Variants in ENPP6 observed in about 807,000 individuals in gnomAD.
ENPP6 encodes the protein ectonucleotide pyrophosphatase/phosphodiesterase 6.
Under a neutral mutation model 42.0 loss-of-function variants are expected in ENPP6, and 32 were observed. That is an observed-to-expected ratio of 0.76 (90% CI 0.58 to 1.02). ENPP6 has a LOEUF of 1.02. Among genes scored for constraint, ENPP6 ranks in the 50% least tolerant of loss-of-function variants. The pLI is 0.00. For missense variants in ENPP6, 552 were observed against 566.8 expected (o/e 0.97, Z 0.27); for synonymous variants, 213 against 216.0 (o/e 0.99, Z 0.12).
intron 2 of ENPP6, among the ~76,000 whole-genome samples, chr4:184,132,544 A>G (rs1411613571): frequency 6.6e-6 from 1 of 151,852 alleles, no homozygotes; most frequent in Non-Finnish European, 1.5e-5. Context: ...TGACTTCATC[A>G]GTCATTTTTC....
chr4:184,165,058 G>C (rs1458961259), intron 1 of ENPP6, among the ~76,000 whole-genome samples: 1 of 152,174 alleles, frequency 6.6e-6, no homozygotes, highest in Non-Finnish European at 1.5e-5. Flanking sequence ...GCATTCAGAG[G>C]AACACGTCAG....
chr4:184,201,790 A>G (rs1732908862), intron 1 of ENPP6, among the ~76,000 whole-genome samples: 2 of 151,580 alleles, frequency 1.3e-5, no homozygotes, highest in Non-Finnish European at 2.9e-5. Flanking sequence ...ACCCACTTCT[A>G]GCTTCAATTG....
At chr4:184,150,064 T>A (rs903128392) in intron 2 of ENPP6, among the ~76,000 whole-genome samples, 4 of 152,174 alleles carry the variant, frequency 2.6e-5, no homozygotes, top group Admixed American at 2.6e-4. Flanking sequence ...TGCAGTACAC[T>A]ACTGGGTCAT....
chr4:184,152,789 C>A (rs1334464719), intron 2 of ENPP6, among the ~76,000 whole-genome samples: 3 of 152,210 alleles, frequency 2.0e-5, no homozygotes, highest in Non-Finnish European at 4.4e-5. Flanking sequence ...TGACTACTTA[C>A]CTCGTTGAGC....
chr4:184,169,978 C>T (rs1028311833), intron 1 of ENPP6, among the ~76,000 whole-genome samples: 2 of 152,236 alleles, frequency 1.3e-5, no homozygotes, highest in Non-Finnish European at 2.9e-5. Flanking sequence ...ATAAATACTT[C>T]TGTGCCTGTC....
chr4:184,098,030 G>A (rs924692848), intron 6 of ENPP6, among the ~76,000 whole-genome samples: 2 of 152,252 alleles, frequency 1.3e-5, no homozygotes, highest in Non-Finnish European at 2.9e-5. Context: ...TGGAAGCTCT[G>A]CGTGCCTCAC....
intron 3 of ENPP6, among the ~76,000 whole-genome samples, chr4:184,120,419 TC>T (rs769886741): frequency 6.1e-4 from 93 of 152,302 alleles, no homozygotes; most frequent in Admixed American, 1.0e-3. Flanking sequence ...TGCCCACTGT[TC>T]CGGCAGCCAA....
intron 1 of ENPP6, among the ~76,000 whole-genome samples, chr4:184,205,984 G>C (rs1231059412): frequency 6.6e-6 from 1 of 152,166 alleles, no homozygotes; most frequent in East Asian, 1.9e-4. Context: ...GAATGACCAG[G>C]ACGCCCGGGA....
rs765590566 is a variant in ENPP6 at position 184,091,274 on chromosome 4, C to G, written c.1226G>C (p.Arg409Thr). The G allele has an allele frequency of 1.2e-6, 2 of 1,613,760 alleles. No individual in the cohort carries two copies. Among genetic ancestry groups the G allele is most frequent in the Non-Finnish European group, 1.7e-6 (2 of 1,179,868 alleles). ...TPLPNNGSWS[R>T]VMCMLKGRAS... is the part of the protein sequence containing the mutation. ...GCGGCCCTTCAGCATGCACATCACCCTGGACCAGGATCCGTTGTTGGGCAG... is the reference window on the plus strand; with the variant it reads ...GCGGCCCTTCAGCATGCACATCACCGTGGACCAGGATCCGTTGTTGGGCAG... Residue 409 changes from arginine (R) to threonine (T), a missense_variant, in exon 8 of 8, where the codon AGG becomes ACG. Arg to Thr is a moderately conservative substitution (Grantham distance 71). Coordinates refer to ENST00000296741, the MANE Select transcript of ENPP6 (RefSeq NM_153343.4).
chr4:184,173,747 GT>G (rs1737513977), intron 1 of ENPP6, among the ~76,000 whole-genome samples: 1 of 152,200 alleles, frequency 6.6e-6, no homozygotes. Flanking sequence ...CATTTCTGGA[GT>G]ATCTGTTGTT....
At chr4:184,150,734 A>G (rs1737010299) in intron 2 of ENPP6, among the ~76,000 whole-genome samples, 1 of 152,246 alleles carries the variant, frequency 6.6e-6, no homozygotes, top group Admixed American at 6.5e-5. Context: ...TGTCTGAGAG[A>G]CTAGAGACTT....
chr4:184,135,854 A>G (rs963414790), intron 2 of ENPP6, among the ~76,000 whole-genome samples: 19 of 152,300 alleles, frequency 1.2e-4, no homozygotes, highest in African/African-American at 4.6e-4. Flanking sequence ...AACACTGCAC[A>G]TTAGCTTCAC....
chr4:184,117,113 TG>T, intron 4 of ENPP6, 78 bp from the exon 5 acceptor site: 1 of 1,538,796 alleles, frequency 6.5e-7, no homozygotes, highest in Non-Finnish European at 8.9e-7. Flanking sequence ...CAACTACAAA[TG>T]ATAGGAGAAA....
In ENPP6 at chr4:184,131,622, C is replaced by G. The variant is rs1055626626; in HGVS notation, c.422-7350G>C. 1.7e-4 allele frequency among the ~76,000 whole-genome samples: 26 copies of G among 151,874 alleles called. 1 individual carries two copies. Among genetic ancestry groups the G allele is most frequent in the African/African-American group, 6.3e-4 (26 of 41,290 alleles). On this transcript the variant is annotated intron_variant, in intron 2 of 7. Coordinates refer to ENST00000296741, the MANE Select transcript of ENPP6 (RefSeq NM_153343.4). ...CAGGTGATCCACCTGCCTTGGCCTC[C>G]CAAAGTGCTGGGATCACAGGTGTGA...
At chr4:184,157,035 T>C (rs1737171746) in intron 1 of ENPP6, among the ~76,000 whole-genome samples, 1 of 152,218 alleles carries the variant, frequency 6.6e-6, no homozygotes, top group African/African-American at 2.4e-5. Flanking sequence ...TTCCTTCCTT[T>C]TTCTTGTAGA....
intron 4 of ENPP6, among the ~76,000 whole-genome samples, chr4:184,117,246 C>G (rs1736335916): frequency 6.6e-6 from 1 of 152,336 alleles, no homozygotes; most frequent in African/African-American, 2.4e-5. Flanking sequence ...TCAATTCGTG[C>G]TGACACCTTA....
At chr4:184,168,236 G>A (rs1322253974) in intron 1 of ENPP6, among the ~76,000 whole-genome samples, 4 of 152,114 alleles carry the variant, frequency 2.6e-5, no homozygotes, top group Non-Finnish European at 4.4e-5. Context: ...AGAGTTAAGT[G>A]GTTTCAGGTA....
intron 7 of ENPP6, among the ~76,000 whole-genome samples, chr4:184,092,275 A>G (rs1010966528): frequency 6.6e-6 from 1 of 151,972 alleles, no homozygotes; most frequent in African/African-American, 2.4e-5. Context: ...TGGTTTCCTA[A>G]ATACATTTGG....
chr4:184,170,953 G>A (rs551101121), intron 1 of ENPP6, among the ~76,000 whole-genome samples: 26 of 152,226 alleles, frequency 1.7e-4, no homozygotes, highest in Middle Eastern at 6.8e-3. Flanking sequence ...TCTGAAACAG[G>A]CAGGTTCTTT....
Sources: allele counts gnomAD v4.1 joint callset (sites outside exome capture counted in the v4.1 genomes callset), GRCh38; gene constraint gnomAD v4.1.1; transcripts MANE v1.5; gene names NCBI Gene and HGNC (gene_info 2026-07-23, HGNC 2026-07-21).